The following WDR44 variants were observed in gnomAD, a reference collection of about 807,000 sequenced individuals.
WDR44 encodes WD repeat domain 44.
In WDR44, 9 loss-of-function variants were observed where a neutral mutation model predicts 65.7. The observed-to-expected ratio is 0.14, with a 90% CI of 0.08 to 0.24. The LOEUF (loss-of-function observed/expected upper bound fraction) is 0.24. Among genes scored for constraint, WDR44 ranks in the 10% least tolerant of loss-of-function variants. The pLI, the probability that WDR44 is intolerant of heterozygous loss-of-function variation, is 1.00. For synonymous variants in WDR44, 220 were observed against 235.2 expected, an observed-to-expected ratio of 0.94 and a Z score of 0.59; for missense variants, 425 against 670.9, an observed-to-expected ratio of 0.63 and a Z score of 4.05.
At position 118,398,428 on chromosome X, in the gene WDR44, C is replaced by T; in HGVS notation, c.1232C>T (p.Ser411Phe). 2 of 1,210,455 alleles carry T rather than the reference C, an allele frequency of 1.7e-6. No homozygotes were observed. Among genetic ancestry groups the T allele is most frequent in the Non-Finnish European group, 2.2e-6 (2 of 894,715 alleles). Residue 411 changes from serine to phenylalanine, a missense_variant, in exon 8 of 20, where the codon TCT (serine) becomes TTT (phenylalanine). Coordinates refer to ENST00000254029, the MANE Select transcript of WDR44 (RefSeq NM_019045.5). ...AQSDDEEKLQ[S>F]QPTDTDGGRL... The stretch of plus-strand genomic sequence containing the variant: ...TCAGATGATGAAGAGAAGTTACAGT[C>T]TCAGCCAACAGATACTGATGGTGGA...
intron 12 of WDR44, among the ~76,000 whole-genome samples, chrX:118,429,726 C>A: frequency 9.0e-6 from 1 of 111,236 alleles, no homozygotes; most frequent in African/African-American, 3.3e-5. Context: ...GTTTTTGAGA[C>A]AGAGTCTCGC....
Position 118,444,344 on chromosome X carries a change from T to C in WDR44, c.2513-16T>C. ...ATCCAATTTGTCAGTTATCCTGAAG[T>C]AAATTTTTTCCACAGCCCACAATGC... On this transcript the variant is annotated splice_polypyrimidine_tract_variant and intron_variant, in intron 18 of 19. Transcript: ENST00000254029. The C allele has an allele frequency of 8.3e-7, 1 of 1,200,578 alleles. No homozygotes were observed. The highest frequency in any genetic ancestry group is 3.0e-5 in the East Asian group (1 of 33,628).
intron 12 of WDR44, among the ~76,000 whole-genome samples, chrX:118,413,490 G>A (rs768140028): frequency 1.3e-4 from 15 of 111,767 alleles, no homozygotes; most frequent in Non-Finnish European, 2.3e-4. Context: ...ATATTTTTTT[G>A]AGAATTGTCT....
chrX:118,412,020 C>T (rs757495307), intron 12 of WDR44, among the ~76,000 whole-genome samples: 1 of 112,084 alleles, frequency 8.9e-6, no homozygotes, highest in African/African-American at 3.2e-5. Context: ...CTCACAATTA[C>T]AGTATTAGAT....
intron 1 of WDR44, among the ~76,000 whole-genome samples, chrX:118,376,638 A>G (rs932646210): frequency 4.5e-5 from 5 of 111,692 alleles, no homozygotes; most frequent in Non-Finnish European, 9.4e-5. Flanking sequence ...TTTGAAGCAG[A>G]TATCAGACTG....
intron 17 of WDR44, among the ~76,000 whole-genome samples, chrX:118,443,201 T>C (rs927524544): frequency 1.8e-5 from 2 of 112,353 alleles, no homozygotes; most frequent in African/African-American, 6.5e-5. Context: ...CCTTTTCTTC[T>C]TTCTAGCCCT....
chrX:118,413,290 A>T (rs2057026898), intron 12 of WDR44, among the ~76,000 whole-genome samples: 3 of 112,317 alleles, frequency 2.7e-5, no homozygotes, highest in African/African-American at 6.5e-5. Context: ...CAGTGGTTGT[A>T]TTAGTTTACA....
intron 12 of WDR44, among the ~76,000 whole-genome samples, chrX:118,411,527 A>G (rs1278417014): frequency 9.0e-6 from 1 of 111,590 alleles, no homozygotes; most frequent in African/African-American, 3.2e-5. Context: ...TAAAATGTCT[A>G]CCTGCTCAAC....
chrX:118,404,194 A>G lies in WDR44; in HGVS notation c.1275-144A>G, dbSNP rs751867596. On this transcript the variant is annotated intron_variant, in intron 8 of 19. Coordinates refer to ENST00000254029, the MANE Select transcript of WDR44 (RefSeq NM_019045.5). ...ATATGTTTATTCCATAGAATAAGGG[A>G]TTTGGAACTCAAACACCTATTATTT... 1.6e-5 allele frequency: 7 copies of G among 426,863 alleles called. No individual in the cohort carries two copies. The East Asian group carries it at 2.9e-4, about 18-fold the overall frequency. The allele number at this position is 426,863 out of a possible 1,213,427, so 35.2% of individuals were successfully genotyped here.
intron 14 of WDR44, among the ~76,000 whole-genome samples, chrX:118,439,158 G>A (rs958001187): frequency 4.5e-5 from 5 of 110,393 alleles, no homozygotes; most frequent in African/African-American, 6.6e-5. Context: ...TCTAAAAATC[G>A]TACTGACCTG....
chrX:118,394,230 C>G (rs201248240), intron 5 of WDR44, 45 bp downstream of exon 5: 147 of 1,192,415 alleles, frequency 1.2e-4, no homozygotes, highest in Admixed American at 1.6e-4. Context: ...TATCAGCTCC[C>G]TGCAACTGGC....
chrX:118,416,420 C>A (rs1340166323), intron 12 of WDR44, among the ~76,000 whole-genome samples: 1 of 111,707 alleles, frequency 9.0e-6, no homozygotes, highest in Non-Finnish European at 1.9e-5. Context: ...TTTTTAATTT[C>A]CATCTTGATT....
rs764079136 is a variant in WDR44, at chrX:118,442,126, C to T, written c.2167-118C>T. The T allele has an allele frequency of 4.0e-4, 224 of 559,789 alleles. No homozygotes were observed. In the African/African-American group the frequency reaches 4.4e-3, roughly 11 times the overall value. The allele number at this position is 559,789 out of a possible 1,213,427, so 46.1% of individuals were successfully genotyped here. On this transcript the variant is annotated intron_variant, in intron 15 of 19. Transcript: ENST00000254029. ...GTGCAATTGTTGCTCACTACAGCCT[C>T]GAACTCTTGGGCTCAAGCAGTCCTC...
At chrX:118,352,333 TA>T (rs2056414748) in intron 1 of WDR44, among the ~76,000 whole-genome samples, 3 of 17,008 alleles carry the variant, frequency 1.8e-4, no homozygotes, top group Admixed American at 1.2e-3. Flanking sequence ...TATATATATA[TA>T]TATATATATA....
rs1260092234 is a variant in WDR44 at position 118,417,403 on chromosome X, G to A, written c.1737+6444G>A. Among the ~76,000 whole-genome samples the A allele has an allele frequency of 2.7e-5, 3 of 110,980 alleles. No homozygotes were observed. In the Admixed American group the frequency reaches 2.9e-4, roughly 11 times the overall value. On this transcript the variant is annotated intron_variant, in intron 12 of 19. Coordinates refer to ENST00000254029, the MANE Select transcript of WDR44 (RefSeq NM_019045.5). ...GTAGTGGCAAATTCTCTCAGCATTT[G>A]TTTGTCTGAAAACGACTGTATCTTT...
intron 2 of WDR44, among the ~76,000 whole-genome samples, chrX:118,381,477 A>G (rs1188580686): frequency 9.0e-6 from 1 of 111,338 alleles, no homozygotes; most frequent in Non-Finnish European, 1.9e-5. Flanking sequence ...TCAAGTTAAA[A>G]AAAAATTTAG....
At chrX:118,362,762 T>C (rs1233812624) in intron 1 of WDR44, among the ~76,000 whole-genome samples, 3 of 109,177 alleles carry the variant, frequency 2.7e-5, no homozygotes, top group African/African-American at 1.0e-4. Flanking sequence ...GGATTAATTA[T>C]CCACCTAATT....
chrX:118,404,213 ATTAT>A (rs2056943698), intron 8 of WDR44, 121 bp from the exon 9 acceptor site: 1 of 463,752 alleles, frequency 2.2e-6, no homozygotes, highest in African/African-American at 2.5e-5. Context: ...TCAAACACCT[ATTAT>A]TTATGTTTAA....
chrX:118,400,616 A>C (rs2056903093), intron 8 of WDR44, among the ~76,000 whole-genome samples: 1 of 111,214 alleles, frequency 9.0e-6, no homozygotes, highest in African/African-American at 3.3e-5. Context: ...ATACAGAAAT[A>C]TGTAAAATAG....
Sources: gnomAD v4.1 joint callset for allele counts (sites outside exome capture counted in the v4.1 genomes callset) on GRCh38, gnomAD v4.1.1 for gene constraint, MANE v1.5 for transcripts, NCBI Gene and HGNC (gene_info 2026-07-23, HGNC 2026-07-21) for gene names.